PCDHGB4: variants seen among roughly 807,000 people sequenced by gnomAD.
PCDHGB4 encodes the protein protocadherin gamma-B4.
A neutral mutation model predicts 60.5 loss-of-function variants in PCDHGB4; 38 were observed. The observed-to-expected ratio is 0.63, with a 90% CI of 0.48 to 0.82. The LOEUF (loss-of-function observed/expected upper bound fraction) is 0.82. PCDHGB4 is among the 40% of genes least tolerant of loss of function. The pLI is 0.00. For missense variants in PCDHGB4, 1,109 were observed against 1,209.6 expected, an observed-to-expected ratio of 0.92 and a Z score of 1.23; for synonymous variants, 456 against 509.7, an observed-to-expected ratio of 0.89 and a Z score of 1.42.
chr5:141,401,623 T>A (rs1418194568), intron 1 of PCDHGB4, among the ~76,000 whole-genome samples: 1 of 152,230 alleles, frequency 6.6e-6, no homozygotes, highest in African/African-American at 2.4e-5. Flanking sequence ...GGATTTGTCT[T>A]ATCGTTTGGA....
chr5:141,487,403 C>T lies in PCDHGB4; in HGVS notation c.2398-7404C>T. 1 of 1,614,140 alleles carries T rather than the reference C, an allele frequency of 6.2e-7. No homozygotes were observed. Among genetic ancestry groups the T allele is most frequent in the South Asian group, 1.1e-5 (1 of 91,082 alleles). ...CAGATCTCGAAGGAGGGAGGGGCTTCCCCCTTCCAATGGGATCCTCCGAAT... is the reference window on the plus strand; with the variant it reads ...CAGATCTCGAAGGAGGGAGGGGCTTTCCCCTTCCAATGGGATCCTCCGAAT... On this transcript the variant is annotated intron_variant, in intron 1 of 3. Coordinates refer to ENST00000519479, the MANE Select transcript of PCDHGB4 (RefSeq NM_003736.4). The surrounding 1 kb of genome is among the most constrained non-coding windows in gnomAD (Gnocchi z 5.0).
chr5:141,452,678 C>T (rs1311364057), intron 1 of PCDHGB4, among the ~76,000 whole-genome samples: 1 of 150,100 alleles, frequency 6.7e-6, no homozygotes, highest in African/African-American at 2.5e-5. Flanking sequence ...GCCTAGGCCA[C>T]AGAATGAAAC....
chr5:141,416,233 C>T (rs1313671195), intron 1 of PCDHGB4: 1 of 152,210 alleles, frequency 6.6e-6, no homozygotes, highest in Non-Finnish European at 1.5e-5. Flanking sequence ...ATTTTTCCAG[C>T]CCTATTTATA....
In PCDHGB4 at chr5:141,405,021, C is replaced by T. The variant is rs188043964; in HGVS notation, c.2397+14740C>T. The T allele has an allele frequency of 2.9e-5, 46 of 1,613,980 alleles. No homozygotes were observed. Among genetic ancestry groups the T allele is most frequent in the Non-Finnish European group, 3.7e-5 (44 of 1,179,862 alleles). On this transcript the variant is annotated intron_variant, in intron 1 of 3. Coordinates refer to ENST00000519479, the MANE Select transcript of PCDHGB4 (RefSeq NM_003736.4). ...GCAGACCTGGAGGCCTCAGACCTTA[C>T]CCTCTACCTCGTTGTGGCTGTGGCA...
chr5:141,507,601 A>G (rs2099861935), intron 3 of PCDHGB4, among the ~76,000 whole-genome samples: 1 of 152,254 alleles, frequency 6.6e-6, no homozygotes, highest in South Asian at 2.1e-4. Flanking sequence ...TGAGGGAAAT[A>G]AACAGGTATA....
chr5:141,440,780 C>T (rs748247053), intron 1 of PCDHGB4: 1 of 152,158 alleles, frequency 6.6e-6, no homozygotes, highest in African/African-American at 2.4e-5. Flanking sequence ...GTGCTAGCAG[C>T]CTTAGACGGC....
At chr5:141,401,935 T>C (rs1026278615) in intron 1 of PCDHGB4, among the ~76,000 whole-genome samples, 4 of 152,240 alleles carry the variant, frequency 2.6e-5, no homozygotes, top group African/African-American at 9.6e-5. Flanking sequence ...CTTAGAATAA[T>C]GTTTAAGACC....
At position 141,477,550 on chromosome 5, in the gene PCDHGB4, C is replaced by T. The variant is rs1262360790; in HGVS notation, c.2398-17257C>T. The T allele has an allele frequency of 4.3e-6, 7 of 1,614,178 alleles. No homozygotes were observed. The highest frequency in any genetic ancestry group is 5.9e-6 in the Non-Finnish European group (7 of 1,180,036). On this transcript the variant is annotated intron_variant, in intron 1 of 3. Transcript: ENST00000519479. This position sits in a 1 kb window ranked among gnomAD's most constrained non-coding sequence, Gnocchi z 4.9. ...ACCTCCCCGGGGCTCCAATACTAAACCTAAGTGTCTGGGACCCCGACGCCC... is the reference window on the plus strand; with the variant it reads ...ACCTCCCCGGGGCTCCAATACTAAATCTAAGTGTCTGGGACCCCGACGCCC...
chr5:141,427,458 A>T (rs2097029342), intron 1 of PCDHGB4: 1 of 494,398 alleles, frequency 2.0e-6, no homozygotes, highest in African/African-American at 1.9e-5. Context: ...TCCTTTTAGA[A>T]TCGAATCTTC....
intron 1 of PCDHGB4, chr5:141,413,424 G>T: frequency 6.2e-7 from 1 of 1,614,086 alleles, no homozygotes; most frequent in Non-Finnish European, 8.5e-7. Flanking sequence ...CTCTGAACCC[G>T]CGCAGCGGCA....
chr5:141,432,538 G>C lies in PCDHGB4; in HGVS notation c.2397+42257G>C, dbSNP rs200601557. The C allele has an allele frequency of 2.5e-5, 40 of 1,614,026 alleles. No individual in the cohort carries two copies. The highest frequency in any genetic ancestry group is 1.5e-4 in the Admixed American group (9 of 60,032). On this transcript the variant is annotated intron_variant, in intron 1 of 3. Coordinates refer to ENST00000519479, the MANE Select transcript of PCDHGB4 (RefSeq NM_003736.4). This position sits in a 1 kb window ranked among gnomAD's most constrained non-coding sequence, Gnocchi z 6.0. ...GCTACCTGGTGACCAAGGTGGTGGC[G>C]GTGGACAGAGACTCCGGCCAGAACG...
At chr5:141,422,850 G>T (rs184432819) in intron 1 of PCDHGB4, 7 of 1,614,086 alleles carry the variant, frequency 4.3e-6, no homozygotes, top group Non-Finnish European at 5.9e-6. Context: ...GCGGGGACCC[G>T]CCCCTCAGCA....
At chr5:141,498,863 G>A (rs1311199561) in intron 2 of PCDHGB4, among the ~76,000 whole-genome samples, 2 of 151,466 alleles carry the variant, frequency 1.3e-5, no homozygotes, top group South Asian at 2.1e-4. Context: ...AACCCAGGAG[G>A]CGGAGGTTGC....
chr5:141,500,184 T>TTTTATTTATTTATTTATTTA (rs58019021), intron 2 of PCDHGB4, among the ~76,000 whole-genome samples: 1 of 135,886 alleles, frequency 7.4e-6, no homozygotes, highest in African/African-American at 2.7e-5. Flanking sequence ...TCATTTTTAT[T>TTTTATTTATTTATTTATTTA]TTTATTTATT....
At chr5:141,404,508 C>T (rs2154535422) in intron 1 of PCDHGB4, 2 of 1,613,964 alleles carry the variant, frequency 1.2e-6, no homozygotes, top group Non-Finnish European at 1.7e-6. Flanking sequence ...GCTCTGTGCT[C>T]CTTTGACTAT....
rs756980821 is a variant in PCDHGB4, at chr5:141,388,710, G to A, written c.826G>A (p.Glu276Lys). 3 of 1,613,966 alleles carry A rather than the reference G, an allele frequency of 1.9e-6. No homozygotes were observed. Among genetic ancestry groups the A allele is most frequent in the Non-Finnish European group, 8.5e-7 (1 of 1,179,890 alleles). The change falls in exon 1 of 4, where the codon GAG becomes AAG. Residue 276 changes from glutamate (E) to lysine (K), a missense_variant. Physicochemically the swap from Glu to Lys is moderately conservative, Grantham distance 56. Around this residue, in one of 2 missense-constraint regions of PCDHGB4, gnomAD observed 1,068 missense variants for 1,089.9 expected, o/e 0.98. Transcript: ENST00000519479. ...ATDQDEGVNA[E>K]ITFSFSEASQ... ...GGACCAGGATGAGGGTGTCAATGCC[G>A]AGATTACTTTCTCTTTCAGTGAAGC...
chr5:141,404,658 C>T, intron 1 of PCDHGB4: 2 of 1,614,198 alleles, frequency 1.2e-6, no homozygotes, highest in Non-Finnish European at 1.7e-6. Context: ...GCCCTCCCCA[C>T]TGATGGTTCT....
chr5:141,420,004 G>C (rs768411058), intron 1 of PCDHGB4: 4 of 1,614,084 alleles, frequency 2.5e-6, no homozygotes, highest in Non-Finnish European at 3.4e-6. Flanking sequence ...CTCTACGCCT[G>C]CGACAGTCTT....
At chr5:141,437,463 AC>A (rs2097887109) in intron 1 of PCDHGB4, among the ~76,000 whole-genome samples, 1 of 152,184 alleles carries the variant, frequency 6.6e-6, no homozygotes, top group Non-Finnish European at 1.5e-5. Flanking sequence ...ACTATACTAT[AC>A]TTTTATAGCA....
Sources: gnomAD v4.1 joint callset for allele counts (sites outside exome capture counted in the v4.1 genomes callset) on GRCh38, gnomAD v4.1.1 for gene constraint, gnomAD v4.1.1 regional missense constraint, Gnocchi (gnomAD v3.1) non-coding constraint, MANE v1.5 for transcripts, NCBI Gene and HGNC (gene_info 2026-07-23, HGNC 2026-07-21) for gene names.